The following ARMC8 variants were observed in gnomAD, a reference collection of about 807,000 sequenced individuals.
ARMC8 encodes the protein armadillo repeat containing 8.
In ARMC8, 20 loss-of-function variants were observed where a neutral mutation model predicts 99.3. The observed-to-expected ratio is 0.20, with a 90% CI of 0.14 to 0.29. ARMC8 has a LOEUF of 0.29. ARMC8 is among the 10% of genes least tolerant of loss of function. ARMC8 has a pLI of 1.00. For synonymous variants in ARMC8, 263 were observed against 278.3 expected (o/e 0.95, Z 0.55); for missense variants, 569 against 809.5 (o/e 0.70, Z 3.60).
At chr3:138,221,281 T>A (rs2045378439) in intron 2 of ARMC8, among the ~76,000 whole-genome samples, 2 of 152,230 alleles carry the variant, frequency 1.3e-5, no homozygotes, top group South Asian at 4.1e-4. Context: ...TGTATTATGT[T>A]GTTTCTAAGC....
intron 12 of ARMC8, chr3:138,262,627 C>T: frequency 6.5e-7 from 1 of 1,537,702 alleles, no homozygotes; most frequent in Non-Finnish European, 8.7e-7. Context: ...AGGTGCCTAG[C>T]CCTGACCCTG....
chr3:138,265,471 C>T (rs1342173788), intron 14 of ARMC8, among the ~76,000 whole-genome samples: 1 of 152,120 alleles, frequency 6.6e-6, no homozygotes, highest in African/African-American at 2.4e-5. Context: ...CTAAGCAAAG[C>T]CTTCAAGTAC....
At chr3:138,243,100 C>A (rs962550447) in intron 11 of ARMC8, among the ~76,000 whole-genome samples, 1 of 152,176 alleles carries the variant, frequency 6.6e-6, no homozygotes, top group Non-Finnish European at 1.5e-5. Context: ...GCTACTGCCT[C>A]ATGAACGCCC....
chr3:138,214,717 C>G (rs1008179908), intron 2 of ARMC8, among the ~76,000 whole-genome samples: 4 of 152,148 alleles, frequency 2.6e-5, no homozygotes, highest in African/African-American at 4.8e-5. Context: ...AGTGCAGCAG[C>G]GTGATCTCAA....
chr3:138,231,696 GAGCGAGAGGATCCCA>G (rs1481815394), intron 6 of ARMC8, among the ~76,000 whole-genome samples: 9 of 151,934 alleles, frequency 5.9e-5, no homozygotes, highest in Admixed American at 3.3e-4. Context: ...AGGATCCCTT[GAGCGAGAGGATCCCA>G]AGCGAGAGGA....
rs551479351 is a variant in ARMC8, at chr3:138,232,576, A to G, written c.529-2458A>G. On this transcript the variant is annotated intron_variant, in intron 6 of 21. Transcript: ENST00000469044. ...GTTAGTAAAAGACGGAAAACAATCTAAGTGTCTAACTATAGGGTACTAGTT... is the reference window on the plus strand; with the variant it reads ...GTTAGTAAAAGACGGAAAACAATCTGAGTGTCTAACTATAGGGTACTAGTT... 3.3e-5 allele frequency among the ~76,000 whole-genome samples: 5 copies of G among 152,352 alleles called. No individual in the cohort carries two copies. The East Asian group carries it at 9.6e-4, about 29-fold the overall frequency.
chr3:138,284,103 A>G (rs890568622), intron 18 of ARMC8, among the ~76,000 whole-genome samples: 1 of 152,250 alleles, frequency 6.6e-6, no homozygotes, highest in African/African-American at 2.4e-5. Context: ...CTTAGAAATG[A>G]GATTTTCAAG....
At chr3:138,194,462 C>A (rs1258682423) in intron 1 of ARMC8, among the ~76,000 whole-genome samples, 1 of 151,332 alleles carries the variant, frequency 6.6e-6, no homozygotes. Context: ...CTCAGCCTCC[C>A]GAGTAGCTGG....
rs1440598869 is a variant in ARMC8, at chr3:138,190,626, A to G, written c.45+3027A>G. ...CTTCTACATGAACCTGCTATCCTGTATAAACCGGCTTTCTCAGGTTAGAGT... is the reference window on the plus strand; with the variant it reads ...CTTCTACATGAACCTGCTATCCTGTGTAAACCGGCTTTCTCAGGTTAGAGT... On this transcript the variant is annotated intron_variant, in intron 1 of 21. Coordinates refer to ENST00000469044, the MANE Select transcript of ARMC8 (RefSeq NM_001363941.2). Among the ~76,000 whole-genome samples, 5 of 152,184 alleles carry G rather than the reference A, an allele frequency of 3.3e-5. No individual in the cohort carries two copies. The East Asian group carries it at 5.8e-4, about 18-fold the overall frequency.
intron 18 of ARMC8, among the ~76,000 whole-genome samples, chr3:138,282,023 AAT>A (rs1442484365): frequency 6.6e-6 from 1 of 152,198 alleles, no homozygotes; most frequent in Non-Finnish European, 1.5e-5. Flanking sequence ...ACAAGAGAGT[AAT>A]AAGCTATGAT....
At chr3:138,287,676 GAAGA>G (rs1474649623) in intron 19 of ARMC8, 15 of 456,514 alleles carry the variant, frequency 3.3e-5, no homozygotes, top group Admixed American at 9.4e-5. Flanking sequence ...GCAGTTAGAA[GAAGA>G]AAGAATCACT....
At position 138,296,037 on chromosome 3, in the gene ARMC8, T is replaced by C. The variant is rs1455439361; in HGVS notation, c.*145T>C. ...GCAAAAGCAGTTTAGTAGGCTTAGA[T>C]CTCAAATTCATCTTGAGAACATTTT... On this transcript the variant is annotated 3_prime_UTR_variant, in exon 22 of 22. Transcript: ENST00000469044. 4.7e-6 allele frequency: 3 copies of C among 642,154 alleles called. No individual in the cohort carries two copies. Among genetic ancestry groups the C allele is most frequent in the Non-Finnish European group, 7.5e-6 (3 of 399,850 alleles). The allele number at this position is 642,154 out of a possible 1,614,324, so 39.8% of individuals were successfully genotyped here. A position where few individuals can be genotyped will look rare whatever the true frequency, so the allele number is the denominator to read the frequency against.
At chr3:138,282,894 T>C (rs1378644584) in intron 18 of ARMC8, among the ~76,000 whole-genome samples, 1 of 152,174 alleles carries the variant, frequency 6.6e-6, no homozygotes, top group Non-Finnish European at 1.5e-5. Flanking sequence ...AGATTATTAT[T>C]GATTTCCTTA....
intron 1 of ARMC8, among the ~76,000 whole-genome samples, chr3:138,188,885 T>C (rs1213021443): frequency 6.6e-6 from 1 of 152,224 alleles, no homozygotes; most frequent in African/African-American, 2.4e-5. Context: ...TTTTTTCTTA[T>C]TTTTAAACTG....
At chr3:138,197,365 C>T (rs2043798031) in intron 1 of ARMC8, among the ~76,000 whole-genome samples, 1 of 152,164 alleles carries the variant, frequency 6.6e-6, no homozygotes, top group Non-Finnish European at 1.5e-5. Context: ...CCTTTTTTAT[C>T]AGGAAGGCGC....
intron 12 of ARMC8, among the ~76,000 whole-genome samples, chr3:138,252,676 G>A (rs1158585683): frequency 3.1e-4 from 38 of 123,346 alleles, no homozygotes; most frequent in Non-Finnish European, 7.9e-5. Flanking sequence ...GGATGGTCCC[G>A]AACTCCTGAC....
At chr3:138,204,053 T>G (rs2044226523) in intron 1 of ARMC8, among the ~76,000 whole-genome samples, 1 of 152,224 alleles carries the variant, frequency 6.6e-6, no homozygotes, top group Non-Finnish European at 1.5e-5. Flanking sequence ...TTTCTTCCTC[T>G]ATTTTTACTT....
At chr3:138,250,990 A>G (rs917853535) in intron 12 of ARMC8, among the ~76,000 whole-genome samples, 10 of 152,040 alleles carry the variant, frequency 6.6e-5, no homozygotes, top group African/African-American at 2.4e-4. Flanking sequence ...TCTACAAAAA[A>G]AAATACAAAA....
At chr3:138,201,179 T>C (rs902619429) in intron 1 of ARMC8, among the ~76,000 whole-genome samples, 7 of 151,816 alleles carry the variant, frequency 4.6e-5, no homozygotes, top group African/African-American at 1.5e-4. Context: ...CCCAAAGTGC[T>C]GGGATTACAG....
Sources: allele counts gnomAD v4.1 joint callset (sites outside exome capture counted in the v4.1 genomes callset), GRCh38; gene constraint gnomAD v4.1.1; transcripts MANE v1.5; gene names NCBI Gene and HGNC (gene_info 2026-07-23, HGNC 2026-07-21).